Variants in MTUS2 observed in about 807,000 individuals in gnomAD.
The protein encoded by MTUS2 is microtubule-associated tumor suppressor candidate 2.
MTUS2 carries 40 observed loss-of-function variants against 114.1 expected under a neutral mutation model. The observed-to-expected ratio is 0.35, with a 90% CI of 0.27 to 0.46. The LOEUF (loss-of-function observed/expected upper bound fraction) is 0.46, where lower values mean the gene tolerates loss of function less well. Ranked by LOEUF, MTUS2 falls within the 20% of genes least tolerant of loss-of-function variation. The pLI, the probability that MTUS2 is intolerant of heterozygous loss-of-function variation, is 1.00. For synonymous variants in MTUS2, 688 were observed against 672.0 expected (o/e 1.02, Z -0.37); for missense variants, 1,679 against 1,705.4 (o/e 0.98, Z 0.27).
intron 8 of MTUS2, among the ~76,000 whole-genome samples, chr13:29,360,688 A>T (rs1239588247): frequency 1.1e-5 from 1 of 87,156 alleles, no homozygotes; most frequent in Admixed American, 1.4e-4. Flanking sequence ...GTAGCCGAAC[A>T]CCCCCCCCCC....
At chr13:29,227,258 CAAAA>C (rs10680419) in intron 5 of MTUS2, among the ~76,000 whole-genome samples, 1 of 120,642 alleles carries the variant, frequency 8.3e-6, no homozygotes. Context: ...GACTCCGTCT[CAAAA>C]AAAAAAAAAA....
In MTUS2 at chr13:29,227,027, G is replaced by T. The variant is rs986059117; in HGVS notation, c.2645-54677G>T. 2.0e-5 allele frequency among the ~76,000 whole-genome samples: 3 copies of T among 152,134 alleles called. No homozygotes were observed. In the South Asian group the frequency reaches 6.2e-4, roughly 31 times the overall value. On this transcript the variant is annotated intron_variant, in intron 5 of 15. Coordinates refer to ENST00000612955, the MANE Select transcript of MTUS2 (RefSeq NM_001033602.4). ...AATCCTAGCACTTTGGGAGGCTGAG[G>T]CAGGTGGATCTCTTGAGATCAGGAG...
At chr13:29,417,896 G>T (rs1028158786) in intron 8 of MTUS2, among the ~76,000 whole-genome samples, 14 of 151,944 alleles carry the variant, frequency 9.2e-5, no homozygotes, top group Non-Finnish European at 2.1e-4. Context: ...ATTTATTTTT[G>T]CAGTATTGGT....
At chr13:29,117,934 A>G (rs1273767617) in intron 5 of MTUS2, among the ~76,000 whole-genome samples, 1 of 152,188 alleles carries the variant, frequency 6.6e-6, no homozygotes, top group Non-Finnish European at 1.5e-5. Flanking sequence ...CCCTGTCCAG[A>G]TGGTTTCACT....
intron 6 of MTUS2, among the ~76,000 whole-genome samples, chr13:29,296,977 T>G (rs574077827): frequency 1.3e-5 from 2 of 152,320 alleles, no homozygotes; most frequent in South Asian, 2.1e-4. Flanking sequence ...TATTTTTGCT[T>G]TTGTTGCCTG....
intron 4 of MTUS2, among the ~76,000 whole-genome samples, chr13:29,076,954 G>A (rs753070746): frequency 6.6e-6 from 1 of 152,110 alleles, no homozygotes; most frequent in African/African-American, 2.4e-5. Flanking sequence ...TATATGTTAG[G>A]CAATATGATA....
At chr13:28,882,407 C>T (rs1878346529) in intron 2 of MTUS2, among the ~76,000 whole-genome samples, 1 of 152,088 alleles carries the variant, frequency 6.6e-6, no homozygotes, top group Non-Finnish European at 1.5e-5. Flanking sequence ...AGATATAACA[C>T]CGAAAGCATG....
intron 10 of MTUS2, among the ~76,000 whole-genome samples, chr13:29,486,663 C>T (rs1326601725): frequency 6.6e-6 from 1 of 152,174 alleles, no homozygotes; most frequent in Non-Finnish European, 1.5e-5. Context: ...TGGCCTCTAA[C>T]TAGCGTTTTG....
chr13:28,824,211 C>T (rs1278186830), intron 1 of MTUS2, among the ~76,000 whole-genome samples: 1 of 150,086 alleles, frequency 6.7e-6, no homozygotes, highest in Non-Finnish European at 1.5e-5. Context: ...AGGCCCCTGA[C>T]TTTCATTTTG....
chr13:28,969,777 A>T (rs1883768546), intron 2 of MTUS2, among the ~76,000 whole-genome samples: 1 of 150,066 alleles, frequency 6.7e-6, no homozygotes, highest in South Asian at 2.1e-4. Context: ...TGCTGGGATT[A>T]CAGGCGTGAG....
At chr13:28,945,179 T>TTA (rs33929048) in intron 2 of MTUS2, among the ~76,000 whole-genome samples, 116,187 of 147,176 alleles carry the variant, frequency 0.79, 46,777 homozygotes, top group Non-Finnish European at 0.89. Flanking sequence ...TAGTATTCCA[T>TTA]TATATATATA....
At chr13:28,963,836 C>A (rs543453604) in intron 2 of MTUS2, among the ~76,000 whole-genome samples, 1 of 152,164 alleles carries the variant, frequency 6.6e-6, no homozygotes, top group Non-Finnish European at 1.5e-5. Flanking sequence ...TATCCTTTCA[C>A]GACCTTGGCA....
intron 5 of MTUS2, among the ~76,000 whole-genome samples, chr13:29,232,815 C>G (rs1896386150): frequency 1.3e-5 from 2 of 152,206 alleles, no homozygotes; most frequent in South Asian, 4.1e-4. Flanking sequence ...GTTTTCACAA[C>G]ATGGAGCATT....
intron 9 of MTUS2, among the ~76,000 whole-genome samples, chr13:29,461,673 A>ACTCTG: frequency 6.8e-6 from 1 of 146,776 alleles, no homozygotes; most frequent in African/African-American, 2.7e-5. Context: ...CAGGCAGAGT[A>ACTCTG]CTATCAGCAG....
chr13:29,070,397 T>C (rs1396625633), intron 4 of MTUS2, among the ~76,000 whole-genome samples: 1 of 152,226 alleles, frequency 6.6e-6, no homozygotes, highest in Non-Finnish European at 1.5e-5. Context: ...ATCTGTAGTC[T>C]GCATTTACTA....
intron 2 of MTUS2, among the ~76,000 whole-genome samples, chr13:29,011,638 C>G (rs1303999720): frequency 6.6e-6 from 1 of 152,040 alleles, no homozygotes; most frequent in Non-Finnish European, 1.5e-5. Flanking sequence ...ATGGTTTTTC[C>G]TTTTTAATTT....
rs1203572593 is a variant in MTUS2 at position 29,457,935 on chromosome 13, G to GT, written c.3184+17887dup. Among the ~76,000 whole-genome samples the GT allele has an allele frequency of 2.6e-5, 4 of 152,228 alleles. No homozygotes were observed. The Middle Eastern group carries it at 0.014, about 521-fold the overall frequency. On this transcript the variant is annotated intron_variant, in intron 9 of 15. Transcript: ENST00000612955. ...ACTTTTTTTTAAATGTAGATTTTTA[G>GT]TAGAGAGAAGGTTTCACCATGTTAG... is the stretch of plus-strand genomic sequence containing the variant.
intron 2 of MTUS2, among the ~76,000 whole-genome samples, chr13:28,913,172 G>T (rs1021420937): frequency 1.3e-5 from 2 of 152,184 alleles, no homozygotes; most frequent in Non-Finnish European, 2.9e-5. Flanking sequence ...GGTGAGAGAA[G>T]GCATCCTTGT....
At position 29,026,239 on chromosome 13, in the gene MTUS2, A is replaced by C. The variant is rs758806896; in HGVS notation, c.1541A>C (p.Glu514Ala). 6.2e-7 allele frequency: 1 copy of C among 1,614,014 alleles called. No homozygotes were observed. The highest frequency in any genetic ancestry group is 2.2e-5 in the East Asian group (1 of 44,880). Residue 514 changes from glutamate to alanine, a missense_variant, in exon 3 of 16, where the codon GAG (glutamate) becomes GCG (alanine). Around this residue, in one of 3 missense-constraint regions of MTUS2, gnomAD observed 843 missense variants for 770.8 expected, o/e 1.09. Transcript: ENST00000612955. ...TSVAENRNLL[E>A]NADKIESTSA... ...GTTGCTGAAAACAGGAACCTTCTAG[A>C]GAATGCAGATAAGATTGAAAGCACC...
Sources: gnomAD v4.1 joint callset for allele counts (sites outside exome capture counted in the v4.1 genomes callset) on GRCh38, gnomAD v4.1.1 for gene constraint, gnomAD v4.1.1 regional missense constraint, MANE v1.5 for transcripts, NCBI Gene and HGNC (gene_info 2026-07-23, HGNC 2026-07-21) for gene names.